TCEA3: variants seen among roughly 807,000 people sequenced by gnomAD.
TCEA3 encodes transcription elongation factor A3, also known as transcription elongation factor A protein 3.
Under a neutral mutation model 44.0 loss-of-function variants are expected in TCEA3, and 36 were observed. The ratio of observed to expected loss-of-function variants is 0.82; its 90% CI spans 0.63 to 1.08. The LOEUF is 1.08. Among genes scored for constraint, TCEA3 ranks in the 50% least tolerant of loss-of-function variants. The pLI is 0.00. For missense variants in TCEA3, 392 were observed against 441.2 expected, an observed-to-expected ratio of 0.89 and a Z score of 1.00; for synonymous variants, 162 against 159.7, an observed-to-expected ratio of 1.01 and a Z score of -0.11.
intron 5 of TCEA3, among the ~76,000 whole-genome samples, chr1:23,406,443 GA>G (rs1332890909): frequency 6.6e-6 from 1 of 152,014 alleles, no homozygotes; most frequent in East Asian, 1.9e-4. Context: ...CGTTCTCCTT[GA>G]TCTGCTGCTT....
At chr1:23,404,859 G>A (rs781278990) in intron 5 of TCEA3, among the ~76,000 whole-genome samples, 2 of 152,158 alleles carry the variant, frequency 1.3e-5, no homozygotes, top group Non-Finnish European at 2.9e-5. Flanking sequence ...CTAGCTACAC[G>A]GGAGGCTGGA....
intron 5 of TCEA3, among the ~76,000 whole-genome samples, chr1:23,405,070 T>C (rs985767585): frequency 1.3e-5 from 2 of 152,138 alleles, no homozygotes; most frequent in Non-Finnish European, 2.9e-5. Context: ...AACAATCAGC[T>C]GCAGTGGGGT....
At chr1:23,418,039 TG>T in intron 2 of TCEA3, 30 bp from the exon 3 acceptor site, 1 of 1,603,556 alleles carries the variant, frequency 6.2e-7, no homozygotes, top group Non-Finnish European at 8.5e-7. Flanking sequence ...AGGCATAATC[TG>T]GGAATGGATA....
rs558345000 is a variant in TCEA3 at position 23,395,453 on chromosome 1, A to ACCCTC, written c.665-1425_665-1421dup. 3.9e-5 allele frequency among the ~76,000 whole-genome samples: 6 copies of ACCCTC among 152,192 alleles called. 1 individual carries two copies. The South Asian group carries it at 1.2e-3, about 32-fold the overall frequency. ...ATAGAGCAGTCAAGCCCCCAAATGT[A>ACCCTC]CCCTCCCCCTGACCTCCAGCTGGCT... On this transcript the variant is annotated intron_variant, in intron 7 of 10. Transcript: ENST00000450454.
chr1:23,415,296 T>TA (rs767601293), intron 4 of TCEA3, among the ~76,000 whole-genome samples: 74 of 152,298 alleles, frequency 4.9e-4, no homozygotes, highest in South Asian at 1.7e-3. Context: ...GCGCTGGGAT[T>TA]ACAGGCATGG....
At chr1:23,403,019 A>G (rs1428697765) in intron 5 of TCEA3, among the ~76,000 whole-genome samples, 1 of 152,216 alleles carries the variant, frequency 6.6e-6, no homozygotes, top group Non-Finnish European at 1.5e-5. Context: ...TGGGAGTACG[A>G]GAGGGATCTC....
At chr1:23,389,644 C>T (rs1192163690) in intron 8 of TCEA3, among the ~76,000 whole-genome samples, 4 of 152,046 alleles carry the variant, frequency 2.6e-5, no homozygotes, top group Admixed American at 6.6e-5. Context: ...AGTGAGACTC[C>T]GTCTCAAAAA....
rs138386322 is a variant in TCEA3 at position 23,417,493 on chromosome 1, G to GCA, written c.239-105_239-104dup. On this transcript the variant is annotated intron_variant, in intron 3 of 10. Transcript: ENST00000450454. The stretch of plus-strand genomic sequence containing the variant: ...GCAAAGGGCAGGGACGAGGACAGCT[G>GCA]CACACACACTCCCAACACACACACA... The GCA allele has an allele frequency of 2.9e-3, 4,180 of 1,463,530 alleles. 96 individuals carry two copies. In the African/African-American group the frequency reaches 0.055, roughly 19 times the overall value. 90.7% of individuals were successfully genotyped at this position (1,463,530 alleles called of 1,614,324 possible). A position where few individuals can be genotyped will look rare whatever the true frequency, so the allele number is the denominator to read the frequency against.
intron 4 of TCEA3, among the ~76,000 whole-genome samples, chr1:23,416,170 C>T (rs1445710232): frequency 6.6e-6 from 1 of 151,882 alleles, no homozygotes; most frequent in Non-Finnish European, 1.5e-5. Context: ...CCACACCCAG[C>T]TAATTTTGTA....
In TCEA3 at chr1:23,381,069, G is replaced by A. The variant is rs895049261; in HGVS notation, c.*397C>T. On this transcript the variant is annotated 3_prime_UTR_variant, in exon 11 of 11. Coordinates refer to ENST00000450454, the MANE Select transcript of TCEA3 (RefSeq NM_003196.3). Reference sequence around the variant, plus strand: ...AGATATGACACCTCAGGTCTAAGGCGCTGCAGTTTCTTTATTTTTTCTTTT... The same window carrying A: ...AGATATGACACCTCAGGTCTAAGGCACTGCAGTTTCTTTATTTTTTCTTTT... The A allele has an allele frequency of 3.5e-5, 6 of 171,414 alleles. No homozygotes were observed. The highest frequency in any genetic ancestry group is 2.6e-3 in the Middle Eastern group (1 of 392). The allele number at this position is 171,414 out of a possible 1,614,324, so 10.6% of individuals were successfully genotyped here.
chr1:23,390,833 G>T (rs1354178825), intron 8 of TCEA3, among the ~76,000 whole-genome samples: 1 of 152,190 alleles, frequency 6.6e-6, no homozygotes, highest in African/African-American at 2.4e-5. Flanking sequence ...ACCAGACACT[G>T]TTGTCAGTGC....
At chr1:23,419,231 A>G in intron 1 of TCEA3, 92 bp from the exon 2 acceptor site, 1 of 934,398 alleles carries the variant, frequency 1.1e-6, no homozygotes, top group Non-Finnish European at 1.6e-6. Context: ...GCAGGAGGAT[A>G]CAGACAGACA....
rs201445489 is a variant in TCEA3, at chr1:23,413,984, A to ATG, written c.380+3263_380+3264dup. Among the ~76,000 whole-genome samples the ATG allele has an allele frequency of 4.8e-3, 333 of 69,174 alleles. 3 individuals are homozygous for ATG. The highest frequency in any genetic ancestry group is 0.023 in the Middle Eastern group (4 of 176). 45.4% of individuals were successfully genotyped at this position (69,174 alleles called of 152,430 possible). A position where few individuals can be genotyped will look rare whatever the true frequency, so the allele number is the denominator to read the frequency against. ...TAATGCATAGGAATAGTCTAGCAGG[A>ATG]TGTATATATATATATATATATATAT... is the stretch of plus-strand genomic sequence containing the variant. On this transcript the variant is annotated intron_variant, in intron 4 of 10. Coordinates refer to ENST00000450454, the MANE Select transcript of TCEA3 (RefSeq NM_003196.3).
Position 23,397,845 on chromosome 1 carries a change from T to A in TCEA3, c.554A>T (p.Asp185Val), listed in dbSNP as rs1380838393. 1 of 1,613,704 alleles carries A rather than the reference T, an allele frequency of 6.2e-7. No homozygotes were observed. Among genetic ancestry groups the A allele is most frequent in the South Asian group, 1.1e-5 (1 of 91,072 alleles). The change falls in exon 6 of 11, where the codon GAC becomes GTC. Residue 185 changes from aspartate (D) to valine (V), a missense_variant. Asp to Val is a radical substitution (Grantham distance 152). Coordinates refer to ENST00000450454, the MANE Select transcript of TCEA3 (RefSeq NM_003196.3). ...CTCCACACACTTGTCCCGGACAGAG[T>A]CCCCTGTGAGATAGCAGGGGGCCAG... Reference protein sequence around the residue: ...CLLAPCYLTGDSVRDKCVEML... With the variant: ...CLLAPCYLTGVSVRDKCVEML...
intron 5 of TCEA3, among the ~76,000 whole-genome samples, chr1:23,407,134 A>G (rs978535706): frequency 6.6e-6 from 1 of 152,176 alleles, no homozygotes; most frequent in African/African-American, 2.4e-5. Context: ...ATCCTTGCAG[A>G]TGCTCAAGTG....
intron 4 of TCEA3, 64 bp from the exon 5 acceptor site, chr1:23,408,790 G>A (rs1639628616): frequency 1.4e-6 from 2 of 1,463,518 alleles, no homozygotes; most frequent in Non-Finnish European, 1.9e-6. Flanking sequence ...ACAGGAAGGT[G>A]GGGAGAAAGC....
At chr1:23,419,328 C>T in intron 1 of TCEA3, 189 bp from the exon 2 acceptor site, 2 of 403,150 alleles carry the variant, frequency 5.0e-6, no homozygotes, top group Non-Finnish European at 8.8e-6. Context: ...TCATCCCCCG[C>T]CACCTGCTGG....
At chr1:23,393,187 G>A (rs896996239) in intron 8 of TCEA3, among the ~76,000 whole-genome samples, 2 of 152,082 alleles carry the variant, frequency 1.3e-5, no homozygotes, top group African/African-American at 4.8e-5. Flanking sequence ...TCACTGATCT[G>A]ACAGGAGGCG....
intron 5 of TCEA3, among the ~76,000 whole-genome samples, chr1:23,406,464 C>A (rs1402210920): frequency 6.6e-6 from 1 of 152,156 alleles, no homozygotes; most frequent in Non-Finnish European, 1.5e-5. Context: ...TGGCCACTTC[C>A]TGGCCTGGCC....
Sources: allele counts gnomAD v4.1 joint callset (sites outside exome capture counted in the v4.1 genomes callset), GRCh38; gene constraint gnomAD v4.1.1; transcripts MANE v1.5; gene names NCBI Gene and HGNC (gene_info 2026-07-23, HGNC 2026-07-21).